H2AZ2: variants seen among roughly 807,000 people sequenced by gnomAD.
The protein encoded by H2AZ2 is histone H2A.V.
A neutral mutation model predicts 15.5 loss-of-function variants in H2AZ2; 5 were observed. The ratio of observed to expected loss-of-function variants is 0.32; its 90% confidence interval spans 0.17 to 0.68. The LOEUF (loss-of-function observed/expected upper bound fraction) is 0.68, where lower values mean the gene tolerates loss of function less well. H2AZ2 is among the 30% of genes least tolerant of loss of function. H2AZ2 has a pLI of 0.72. For synonymous variants in H2AZ2, 44 were observed against 57.4 expected (o/e 0.77, Z 1.05); for missense variants, 42 against 162.5 (o/e 0.26, Z 4.03).
At chr7:44,845,202 A>G (rs1793367466) in intron 1 of H2AZ2, among the ~76,000 whole-genome samples, 1 of 152,166 alleles carries the variant, frequency 6.6e-6, no homozygotes, top group South Asian at 2.1e-4. Context: ...GATAATATGG[A>G]AGAAAAACAG....
At chr7:44,827,466 G>A (rs1018088447), downstream of H2AZ2, 2 of 152,196 alleles carry the variant, frequency 1.3e-5, no homozygotes, top group Non-Finnish European at 2.9e-5. Flanking sequence ...TAAGGATTGA[G>A]TATAGAGAGC....
chr7:44,830,281 A>G, downstream of H2AZ2: 1 of 958,802 alleles, frequency 1.0e-6, no homozygotes, highest in Non-Finnish European at 1.6e-6. Flanking sequence ...CTATAGATAT[A>G]GGTGGTGAGT....
In H2AZ2 at chr7:44,833,723, C is replaced by G; in HGVS notation, c.*778G>C. On this transcript the variant is annotated 3_prime_UTR_variant, in exon 5 of 5. Coordinates refer to ENST00000308153, the MANE Select transcript of H2AZ2 (RefSeq NM_012412.5). ...CATCAATTCCAGGTAAAACTAGGCT[C>G]TGGAGTCAGCCAGATCTAGGTTTGA... 1 of 983,950 alleles carries G rather than the reference C, an allele frequency of 1.0e-6. No individual in the cohort carries two copies. 61.0% of individuals were successfully genotyped at this position (983,950 alleles called of 1,614,324 possible). A position where few individuals can be genotyped will look rare whatever the true frequency, so the allele number is the denominator to read the frequency against.
At chr7:44,847,855 A>C in intron 1 of H2AZ2, 114 bp downstream of exon 1, 1 of 1,415,894 alleles carries the variant, frequency 7.1e-7, no homozygotes, top group Non-Finnish European at 9.4e-7. Flanking sequence ...GCTCGGCCGG[A>C]CGAAGCCCAG....
rs1044354117 is a variant in H2AZ2 at position 44,835,559 on chromosome 7, A to C, written c.295T>G (p.Ser99Ala). Residue 99 changes from serine to alanine, a missense_variant, in exon 4 of 5, where the codon TCT becomes GCT. Transcript: ENST00000308153. ...CCAGCTATGGTAGCCTTGATAAGAG[A>C]ATCCAACTCTTCATCACCACGGATT... is the stretch of plus-strand genomic sequence containing the variant. Reference protein sequence around the residue: ...LAIRGDEELDSLIKATIAGGG... With the variant: ...LAIRGDEELDALIKATIAGGG... 1.2e-6 allele frequency: 2 copies of C among 1,613,926 alleles called. No individual in the cohort carries two copies. Among genetic ancestry groups the C allele is most frequent in the Non-Finnish European group, 1.7e-6 (2 of 1,179,894 alleles).
intron 3 of H2AZ2, among the ~76,000 whole-genome samples, chr7:44,837,053 G>T (rs1793141853): frequency 6.6e-6 from 1 of 151,540 alleles, no homozygotes; most frequent in East Asian, 2.0e-4. Flanking sequence ...CAGACACAGG[G>T]TTTCACCATA....
At position 44,843,374 on chromosome 7, in the gene H2AZ2, T is replaced by C. The variant is rs1383514521; in HGVS notation, c.4-20A>G. 2 of 1,576,506 alleles carry C rather than the reference T, an allele frequency of 1.3e-6. No individual in the cohort carries two copies. Among genetic ancestry groups the C allele is most frequent in the South Asian group, 2.3e-5 (2 of 86,912 alleles). ...TCCAGCCTAAATGCAAAAAAAAATT[T>C]TTTTGAATGAAAAGAGTTGAAAATA... On this transcript the variant is annotated intron_variant, in intron 1 of 4. Coordinates refer to ENST00000308153, the MANE Select transcript of H2AZ2 (RefSeq NM_012412.5).
At chr7:44,835,341 T>C in intron 4 of H2AZ2, 188 bp downstream of exon 4, 1 of 459,436 alleles carries the variant, frequency 2.2e-6, no homozygotes, top group Middle Eastern at 5.8e-4. Flanking sequence ...TAGCATTACA[T>C]ATGGCTAGAA....
chr7:44,840,242 TA>T (rs1271282460), intron 3 of H2AZ2, among the ~76,000 whole-genome samples: 1 of 151,926 alleles, frequency 6.6e-6, no homozygotes, highest in African/African-American at 2.4e-5. Flanking sequence ...GGCCCTTGCT[TA>T]ACTTTTAAAA....
Position 44,833,273 on chromosome 7 carries a change from G to A in H2AZ2, c.*1228C>T, listed in dbSNP as rs1193014799. On this transcript the variant is annotated 3_prime_UTR_variant, in exon 5 of 5. Coordinates refer to ENST00000308153, the MANE Select transcript of H2AZ2 (RefSeq NM_012412.5). ...TTTTGAGAGGGAGTCTTGCTCAGTCGCCAAGCTGGAGTGCAGTGGCGCCAT... is the reference window on the plus strand; with the variant it reads ...TTTTGAGAGGGAGTCTTGCTCAGTCACCAAGCTGGAGTGCAGTGGCGCCAT... Among the ~76,000 whole-genome samples, 1 of 151,850 alleles carries A rather than the reference G, an allele frequency of 6.6e-6. No individual in the cohort carries two copies. The highest frequency in any genetic ancestry group is 1.5e-5 in the Non-Finnish European group (1 of 67,960).
intron 3 of H2AZ2, among the ~76,000 whole-genome samples, chr7:44,837,402 G>T (rs1208495754): frequency 8.4e-6 from 1 of 119,670 alleles, no homozygotes; most frequent in African/African-American, 3.4e-5. Flanking sequence ...CAGCCTGGGC[G>T]ACAGAGCAAG....
At chr7:44,827,730 G>A (rs1264801173), downstream of H2AZ2, 1 of 152,122 alleles carries the variant, frequency 6.6e-6, no homozygotes, top group Non-Finnish European at 1.5e-5. Context: ...TGCCACCAGG[G>A]AGGACTGTCT....
At chr7:44,827,455 G>A (rs1404954084), downstream of H2AZ2, 1 of 152,182 alleles carries the variant, frequency 6.6e-6, no homozygotes, top group South Asian at 2.1e-4. Context: ...TCTCAGCAAA[G>A]TAAGGATTGA....
chr7:44,838,741 C>T (rs909207406), intron 3 of H2AZ2, among the ~76,000 whole-genome samples: 4 of 152,120 alleles, frequency 2.6e-5, no homozygotes, highest in African/African-American at 7.2e-5. Context: ...ATCCATAATT[C>T]GATGTTAAAT....
chr7:44,843,771 T>C (rs1793333647), intron 1 of H2AZ2, among the ~76,000 whole-genome samples: 1 of 152,180 alleles, frequency 6.6e-6, no homozygotes, highest in Admixed American at 6.5e-5. Context: ...TTGGCCAAGC[T>C]GGTCTTGAAC....
chr7:44,837,306 C>T (rs1793148869), intron 3 of H2AZ2, among the ~76,000 whole-genome samples: 1 of 150,778 alleles, frequency 6.6e-6, no homozygotes, highest in Admixed American at 6.6e-5. Context: ...GCCTGTAATC[C>T]CAGCTACTTG....
intron 4 of H2AZ2, 50 bp downstream of exon 4, chr7:44,835,479 T>C: frequency 6.5e-7 from 1 of 1,537,956 alleles, no homozygotes; most frequent in African/African-American, 1.4e-5. Context: ...CTGAACGATA[T>C]ATTAGTCAGA....
intron 3 of H2AZ2, among the ~76,000 whole-genome samples, chr7:44,839,782 C>T (rs1310479987): frequency 1.3e-5 from 2 of 151,850 alleles, no homozygotes; most frequent in Non-Finnish European, 2.9e-5. Context: ...GCAAGTGGAT[C>T]ACCTGAGGTC....
chr7:44,826,956 TTC>T (rs1248557248), exon 5 of H2AZ2: 6 of 152,258 alleles, frequency 3.9e-5, no homozygotes, highest in Admixed American at 2.6e-4. Context: ...TAGTATGCTA[TTC>T]TTTGATTTTT....
Sources: allele counts gnomAD v4.1 joint callset (sites outside exome capture counted in the v4.1 genomes callset), GRCh38; gene constraint gnomAD v4.1.1; transcripts MANE v1.5; gene names NCBI Gene and HGNC (gene_info 2026-07-23, HGNC 2026-07-21).